DVL1: variants seen among roughly 807,000 people sequenced by gnomAD.
DVL1 encodes dishevelled segment polarity protein 1.
A neutral mutation model predicts 65.0 loss-of-function variants in DVL1; 49 were observed. The observed-to-expected ratio is 0.75, with a 90% CI of 0.60 to 0.96. DVL1 has a LOEUF of 0.96. Among genes scored for constraint, DVL1 ranks in the 40% least tolerant of loss-of-function variants. The probability of loss-of-function intolerance (pLI) is 0.00; values close to 1 mark genes in which losing one functional copy is unlikely to be tolerated. For missense variants in DVL1, 1,197 were observed against 1,045.4 expected (o/e 1.15, Z -2.00); for synonymous variants, 608 against 433.9 (o/e 1.40, Z -4.99).
chr1:1,340,558 G>T, intron 5 of DVL1, 55 bp from the exon 6 acceptor site: 2 of 1,534,662 alleles, frequency 1.3e-6, no homozygotes, highest in Non-Finnish European at 1.8e-6. Flanking sequence ...AGGGGGGTGG[G>T]AACCCGCTCC....
intron 14 of DVL1, 96 bp from the exon 15 acceptor site, chr1:1,336,611 T>C: frequency 3.5e-6 from 5 of 1,434,592 alleles, no homozygotes; most frequent in Non-Finnish European, 4.5e-6. Context: ...GCAGGAACGG[T>C]GGCCCGTGCA....
At chr1:1,347,471 C>T (rs892767452) in intron 1 of DVL1, among the ~76,000 whole-genome samples, 1 of 152,312 alleles carries the variant, frequency 6.6e-6, no homozygotes, top group South Asian at 2.1e-4. Flanking sequence ...GAGCAGAAGG[C>T]GGACTCCCCC....
intron 1 of DVL1, among the ~76,000 whole-genome samples, chr1:1,345,399 C>G (rs1203056382): frequency 6.6e-6 from 1 of 152,176 alleles, no homozygotes; most frequent in Admixed American, 6.5e-5. Flanking sequence ...GATCAGCTAC[C>G]CAGGTCCCAG....
chr1:1,349,260 G>A lies in DVL1; in HGVS notation c.-195C>T, dbSNP rs1049355907. On this transcript the variant is annotated 5_prime_UTR_variant, in exon 1 of 15. Transcript: ENST00000378888. The surrounding 1 kb of genome is among the most constrained non-coding windows in gnomAD (Gnocchi z 4.1). ...CCCGGCTCCCGCGCGCGTCCCGACT[G>A]CTGCCCCGCGGCCCGCGGCCGCCCA... is the stretch of plus-strand genomic sequence containing the variant. 1.8e-5 allele frequency: 3 copies of A among 169,298 alleles called. No individual in the cohort carries two copies. Among genetic ancestry groups the A allele is most frequent in the African/African-American group, 4.9e-5 (2 of 40,676 alleles). 10.5% of individuals were successfully genotyped at this position (169,298 alleles called of 1,614,324 possible). A position where few individuals can be genotyped will look rare whatever the true frequency, so the allele number is the denominator to read the frequency against.
At position 1,340,438 on chromosome 1, in the gene DVL1, C is replaced by T. The variant is rs531645827; in HGVS notation, c.671G>A (p.Arg224Lys). ...RLIRKHKRRR[R>K]KQRLRQADRA... Reference sequence around the variant, plus strand: ...GTCCGCCTGCCGAAGGCGCTGCTTCCTCCGCCGGCGTTTGTGCTTCCGGAT... The same window carrying T: ...GTCCGCCTGCCGAAGGCGCTGCTTCTTCCGCCGGCGTTTGTGCTTCCGGAT... The change falls in exon 6 of 15, where the codon AGG becomes AAG. Residue 224 changes from arginine (R) to lysine (K), a missense_variant. By Grantham distance (26) the Arg-to-Lys change is conservative (BLOSUM62 2). Coordinates refer to ENST00000378888, the MANE Select transcript of DVL1 (RefSeq NM_001330311.2). The T allele has an allele frequency of 1.2e-5, 19 of 1,612,404 alleles. No individual in the cohort carries two copies. The East Asian group carries it at 4.0e-4, about 34-fold the overall frequency.
Position 1,349,406 on chromosome 1 carries a change from T to G in DVL1, c.-341A>C, listed in dbSNP as rs1643981374. ...AAAGGGACCGCCCGGCCCGGGGTCC[T>G]GAGCGTGGCCGCGGGGGGGCGCCCG... is the stretch of plus-strand genomic sequence containing the variant. On this transcript the variant is annotated 5_prime_UTR_variant, in exon 1 of 15. Transcript: ENST00000378888. The surrounding 1 kb of genome is among the most constrained non-coding windows in gnomAD (Gnocchi z 4.1). 1 of 145,616 alleles carries G rather than the reference T, an allele frequency of 6.9e-6. No individual in the cohort carries two copies. Among genetic ancestry groups the G allele is most frequent in the African/African-American group, 2.5e-5 (1 of 40,654 alleles). 9.0% of individuals were successfully genotyped at this position (145,616 alleles called of 1,614,324 possible).
chr1:1,336,255 C>T lies in DVL1; in HGVS notation c.1975G>A (p.Gly659Arg), dbSNP rs775980552. The T allele has an allele frequency of 3.2e-6, 5 of 1,558,862 alleles. No homozygotes were observed. The highest frequency in any genetic ancestry group is 2.3e-5 in the South Asian group (2 of 86,308). Residue 659 changes from glycine to arginine, a missense_variant, in exon 15 of 15, where the codon GGG becomes AGG. Gly to Arg is a moderately radical substitution (Grantham distance 125). Coordinates refer to ENST00000378888, the MANE Select transcript of DVL1 (RefSeq NM_001330311.2). The stretch of plus-strand genomic sequence containing the variant: ...GCCAGCTCCCGGACAGGGGGTCCCC[C>T]GGGTGGCCCCCCCACCACTGTATAG... ...KAYTVVGGPP[G>R]GPPVRELAAV... is the part of the protein sequence containing the mutation.
chr1:1,335,989 G>A lies in DVL1; in HGVS notation c.*153C>T, dbSNP rs1569666523. On this transcript the variant is annotated 3_prime_UTR_variant, in exon 15 of 15. Transcript: ENST00000378888. ...GACACAGGTGCTGTCAGGAGCTGGA[G>A]CAGCCAGGCTGCCAGGGCAGATGGT... The A allele has an allele frequency of 3.9e-6, 4 of 1,037,726 alleles. No homozygotes were observed. The highest frequency in any genetic ancestry group is 2.6e-5 in the Admixed American group (1 of 38,722). The allele number at this position is 1,037,726 out of a possible 1,614,324, so 64.3% of individuals were successfully genotyped here.
chr1:1,340,268 C>G lies in DVL1; in HGVS notation c.748G>C (p.Val250Leu). ...ITDSTMSLNI[V>L]TVTLNMERHH... ...TCACCCATGTTGAGCGTGACAGTGA[C>G]GATGTTGAGGGACATGGTGGAGTCG... The change falls in exon 7 of 15, where the codon GTC (valine) becomes CTC (leucine). Residue 250 changes from valine (V) to leucine (L), a missense_variant. By Grantham distance (32) the Val-to-Leu change is conservative (BLOSUM62 1). Transcript: ENST00000378888. 2.5e-6 allele frequency: 4 copies of G among 1,613,996 alleles called. No individual in the cohort carries two copies. The highest frequency in any genetic ancestry group is 2.5e-6 in the Non-Finnish European group (3 of 1,180,006).
rs750879091 is a variant in DVL1 at position 1,338,670 on chromosome 1, G to A, written c.1208-17C>T. 1.0e-5 allele frequency: 16 copies of A among 1,603,882 alleles called. No individual in the cohort carries two copies. The South Asian group carries it at 1.1e-4, about 11-fold the overall frequency. The stretch of plus-strand genomic sequence containing the variant: ...CTTCCAGCTCTGCAAAGCACAGACA[G>A]CCCCGCTTCAGCCCCAGCATCTGAA... On this transcript the variant is annotated splice_polypyrimidine_tract_variant and intron_variant, in intron 11 of 14. Transcript: ENST00000378888.
At chr1:1,338,229 T>TTGCCCC in intron 13 of DVL1, 40 bp downstream of exon 13, 151 of 1,522,008 alleles carry the variant, frequency 9.9e-5, no homozygotes, top group Middle Eastern at 2.0e-4. Context: ...CCTCCGGCGT[T>TTGCCCC]CCCCTCCCCC....
rs574024909 is a variant in DVL1, at chr1:1,341,289, C to T, written c.605+378G>A. On this transcript the variant is annotated intron_variant, in intron 5 of 14. Transcript: ENST00000378888. ...TCACGTGCACACTGTGAAAACGCACCTCACACACACATACATGCACACACA... is the reference window on the plus strand; with the variant it reads ...TCACGTGCACACTGTGAAAACGCACTTCACACACACATACATGCACACACA... Among the ~76,000 whole-genome samples, 4 of 152,252 alleles carry T rather than the reference C, an allele frequency of 2.6e-5. No individual in the cohort carries two copies. The East Asian group carries it at 7.7e-4, about 29-fold the overall frequency.
chr1:1,342,798 C>T, intron 1 of DVL1, 40 bp from the exon 2 acceptor site: 1 of 1,606,800 alleles, frequency 6.2e-7, no homozygotes, highest in Non-Finnish European at 8.5e-7. Context: ...CCTGGGGGGC[C>T]CAACCCTGCG....
intron 12 of DVL1, 27 bp downstream of exon 12, chr1:1,338,495 T>C (rs1643668857): frequency 1.9e-6 from 3 of 1,611,482 alleles, no homozygotes; most frequent in Non-Finnish European, 2.5e-6. Context: ...CCCCTGGCAC[T>C]ATCCGCCCGC....
chr1:1,340,537 G>A (rs762163029), intron 5 of DVL1, 34 bp from the exon 6 acceptor site: 12 of 1,569,368 alleles, frequency 7.6e-6, no homozygotes, highest in Non-Finnish European at 1.0e-5. Flanking sequence ...AGAGGAGCTG[G>A]AGACATGGGT....
intron 14 of DVL1, among the ~76,000 whole-genome samples, chr1:1,337,309 C>T (rs932652337): frequency 3.3e-5 from 5 of 152,292 alleles, no homozygotes; most frequent in South Asian, 2.1e-4. Flanking sequence ...GGCCTGCAGA[C>T]GCCCCTGCTG....
At chr1:1,348,603 G>C (rs986366642) in intron 1 of DVL1, among the ~76,000 whole-genome samples, 2 of 152,126 alleles carry the variant, frequency 1.3e-5, no homozygotes, top group African/African-American at 4.8e-5. Flanking sequence ...GGCCAGCCCC[G>C]GTGGAAGCGA....
At chr1:1,341,899 G>C (rs1569721457) in intron 4 of DVL1, 94 bp from the exon 5 acceptor site, 1 of 1,478,006 alleles carries the variant, frequency 6.8e-7, no homozygotes, top group Non-Finnish European at 9.1e-7. Flanking sequence ...TGTGGGTCTG[G>C]GAGCTGGCAG....
In DVL1 at chr1:1,339,563, T is replaced by C; in HGVS notation, c.1054+19A>G. On this transcript the variant is annotated intron_variant, in intron 10 of 14. Transcript: ENST00000378888. ...CGCCCCCTCCCCATCCCGCCCCGTG[T>C]GCCCCGAGGGCCACTCACCCCGTGG... is the stretch of plus-strand genomic sequence containing the variant. 5 of 1,597,836 alleles carry C rather than the reference T, an allele frequency of 3.1e-6. No homozygotes were observed. Among genetic ancestry groups the C allele is most frequent in the Non-Finnish European group, 4.3e-6 (5 of 1,172,734 alleles).
Sources: allele counts gnomAD v4.1 joint callset (sites outside exome capture counted in the v4.1 genomes callset), GRCh38; gene constraint gnomAD v4.1.1; non-coding constraint Gnocchi (gnomAD v3.1); transcripts MANE v1.5; gene names NCBI Gene and HGNC (gene_info 2026-07-23, HGNC 2026-07-21).